SAMD12: variants seen among roughly 807,000 people sequenced by gnomAD.
The protein encoded by SAMD12 is sterile alpha motif domain-containing protein 12.
In SAMD12, 9 loss-of-function variants were observed where a neutral mutation model predicts 15.0. The observed-to-expected ratio is 0.60, with a 90% CI of 0.36 to 1.05. The LOEUF (loss-of-function observed/expected upper bound fraction) is 1.05. Ranked by LOEUF, SAMD12 falls within the 50% of genes least tolerant of loss-of-function variation. The probability of loss-of-function intolerance (pLI) is 0.01; values close to 1 mark genes in which losing one functional copy is unlikely to be tolerated. For missense variants in SAMD12, 230 were observed against 234.2 expected (o/e 0.98, Z 0.12); for synonymous variants, 86 against 90.1 (o/e 0.96, Z 0.25).
At position 118,379,387 on chromosome 8, in the gene SAMD12, T is replaced by C; in HGVS notation, c.*30A>G. ...TTGTGCATCCTTCTCCCTAGTGAGC[T>C]ATGAAAAAAGTTTTCAAAGGGAAGT... is the stretch of plus-strand genomic sequence containing the variant. On this transcript the variant is annotated 3_prime_UTR_variant, in exon 4 of 4. Transcript: ENST00000314727. 1 of 1,604,470 alleles carries C rather than the reference T, an allele frequency of 6.2e-7. No homozygotes were observed. The highest frequency in any genetic ancestry group is 8.5e-7 in the Non-Finnish European group (1 of 1,175,808).
At chr8:118,399,640 A>G (rs1370527662) in intron 3 of SAMD12, among the ~76,000 whole-genome samples, 1 of 152,202 alleles carries the variant, frequency 6.6e-6, no homozygotes, top group Non-Finnish European at 1.5e-5. Context: ...TGGCTGAATC[A>G]CAGCCCAACT....
chr8:118,137,792 T>A, the SAMD12 span, among the ~76,000 whole-genome samples: 1 of 152,112 alleles, frequency 6.6e-6, no homozygotes, highest in South Asian at 2.1e-4. Context: ...AAACATCTCA[T>A]AATTTTTTAA....
chr8:118,415,731 A>G (rs1049068469), intron 3 of SAMD12, among the ~76,000 whole-genome samples: 1 of 152,184 alleles, frequency 6.6e-6, no homozygotes, highest in Non-Finnish European at 1.5e-5. Flanking sequence ...TAGGATAAAC[A>G]GGCTTCTTTT....
At chr8:118,451,488 T>C (rs2130915892) in intron 2 of SAMD12, among the ~76,000 whole-genome samples, 1 of 152,312 alleles carries the variant, frequency 6.6e-6, no homozygotes, top group South Asian at 2.1e-4. Flanking sequence ...GTCTCTCAAT[T>C]ATACCACTAT....
At chr8:118,548,704 C>A (rs1218709994) in intron 2 of SAMD12, among the ~76,000 whole-genome samples, 3 of 152,126 alleles carry the variant, frequency 2.0e-5, no homozygotes, top group East Asian at 3.9e-4. Context: ...GCACCGTGCG[C>A]GAGCCGAAGC....
At chr8:118,289,072 C>T (rs1814216322) in intron 4 of SAMD12, among the ~76,000 whole-genome samples, 1 of 152,156 alleles carries the variant, frequency 6.6e-6, no homozygotes, top group African/African-American at 2.4e-5. Flanking sequence ...ATTACATTTC[C>T]AATATGTGCA....
chr8:118,169,203 A>C, the SAMD12 span, among the ~76,000 whole-genome samples: 2 of 152,202 alleles, frequency 1.3e-5, no homozygotes, highest in South Asian at 4.1e-4. Context: ...ATCTAAAATA[A>C]AAGTTGAAAT....
the SAMD12 span, among the ~76,000 whole-genome samples, chr8:118,179,061 C>G: frequency 1.3e-5 from 2 of 152,178 alleles, no homozygotes; most frequent in African/African-American, 4.8e-5. Flanking sequence ...ACTCCCTCCT[C>G]CCATGGCTGG....
At chr8:118,174,162 C>G in the SAMD12 span, among the ~76,000 whole-genome samples, 10 of 152,254 alleles carry the variant, frequency 6.6e-5, no homozygotes, top group East Asian at 1.9e-3. Flanking sequence ...TTTACCTATC[C>G]TGTGGGATTG....
chr8:118,152,554 A>G, the SAMD12 span, among the ~76,000 whole-genome samples: 1 of 150,334 alleles, frequency 6.7e-6, no homozygotes, highest in Admixed American at 6.7e-5. Flanking sequence ...GTTAGAGTGC[A>G]ATGGTACAAG....
intron 4 of SAMD12, among the ~76,000 whole-genome samples, chr8:118,250,457 A>G (rs1297461862): frequency 2.6e-5 from 4 of 152,066 alleles, no homozygotes; most frequent in Admixed American, 2.6e-4. Context: ...AATGCCCCCA[A>G]ATACCCCAAG....
At chr8:118,526,333 T>C (rs1402777375) in intron 2 of SAMD12, among the ~76,000 whole-genome samples, 1 of 152,128 alleles carries the variant, frequency 6.6e-6, no homozygotes, top group East Asian at 1.9e-4. Context: ...TTAAGAGGTC[T>C]CTAAAGAGTC....
intron 4 of SAMD12, among the ~76,000 whole-genome samples, chr8:118,291,606 A>G (rs943992646): frequency 1.3e-5 from 2 of 152,130 alleles, no homozygotes; most frequent in Admixed American, 1.3e-4. Flanking sequence ...GCCAGTCCTC[A>G]GCTCTGAAGG....
At chr8:118,339,541 C>T (rs997836100) in intron 4 of SAMD12, among the ~76,000 whole-genome samples, 2 of 152,206 alleles carry the variant, frequency 1.3e-5, no homozygotes, top group African/African-American at 4.8e-5. Flanking sequence ...TATCCTAAAT[C>T]TTTTGGCTGC....
chr8:118,511,440 G>A (rs1221048521), intron 2 of SAMD12, among the ~76,000 whole-genome samples: 1 of 142,112 alleles, frequency 7.0e-6, no homozygotes, highest in Non-Finnish European at 1.6e-5. Context: ...GAAACCTCTT[G>A]TTTTTGTTTT....
chr8:118,440,535 A>G (rs536504284), intron 2 of SAMD12, among the ~76,000 whole-genome samples: 37 of 152,220 alleles, frequency 2.4e-4, no homozygotes, highest in Non-Finnish European at 4.4e-4. Context: ...CAAAAAGTCA[A>G]TTCCACCAGG....
At chr8:118,412,553 A>G (rs1448763580) in intron 3 of SAMD12, among the ~76,000 whole-genome samples, 2 of 152,060 alleles carry the variant, frequency 1.3e-5, no homozygotes, top group Non-Finnish European at 2.9e-5. Context: ...AGCATGGAGG[A>G]TTTGTGTCTG....
chr8:118,166,811 C>CT, the SAMD12 span, among the ~76,000 whole-genome samples: 1 of 152,194 alleles, frequency 6.6e-6, no homozygotes, highest in Non-Finnish European at 1.5e-5. Flanking sequence ...TGGCTTTTCT[C>CT]TCCTTGTGCA....
chr8:118,283,720 GCTAGAA>G (rs1813775985), intron 4 of SAMD12, among the ~76,000 whole-genome samples: 2 of 152,202 alleles, frequency 1.3e-5, no homozygotes, highest in African/African-American at 4.8e-5. Flanking sequence ...TTGTACCATG[GCTAGAA>G]CTTAGGCAGA....
Sources: gnomAD v4.1 joint callset for allele counts (sites outside exome capture counted in the v4.1 genomes callset) on GRCh38, gnomAD v4.1.1 for gene constraint, MANE v1.5 for transcripts, NCBI Gene and HGNC (gene_info 2026-07-23, HGNC 2026-07-21) for gene names.